Variants in CAMK4 observed in about 807,000 individuals in gnomAD.
CAMK4 encodes calcium/calmodulin-dependent protein kinase type IV.
A neutral mutation model predicts 44.9 loss-of-function variants in CAMK4; 22 were observed. The observed-to-expected ratio is 0.49, with a 90% CI of 0.35 to 0.70. The LOEUF (loss-of-function observed/expected upper bound fraction) is 0.70, where lower values mean the gene tolerates loss of function less well. Among genes scored for constraint, CAMK4 ranks in the 30% least tolerant of loss-of-function variants. The pLI, the probability that CAMK4 is intolerant of heterozygous loss-of-function variation, is 0.01. For missense variants in CAMK4, 498 were observed against 586.8 expected, an observed-to-expected ratio of 0.85 and a Z score of 1.56; for synonymous variants, 218 against 215.4, an observed-to-expected ratio of 1.01 and a Z score of -0.11.
intron 4 of CAMK4, among the ~76,000 whole-genome samples, chr5:111,386,329 C>G (rs1392075641): frequency 6.6e-6 from 1 of 152,186 alleles, no homozygotes; most frequent in East Asian, 1.9e-4. Flanking sequence ...GGGGCTTTTA[C>G]TCTCTGTCAT....
intron 1 of CAMK4, among the ~76,000 whole-genome samples, chr5:111,330,662 C>T (rs987208060): frequency 2.0e-5 from 3 of 151,442 alleles, no homozygotes; most frequent in African/African-American, 7.3e-5. Flanking sequence ...AATACTATAC[C>T]ATTTTATATA....
At chr5:111,421,979 G>A (rs184472638) in intron 5 of CAMK4, among the ~76,000 whole-genome samples, 96 of 152,136 alleles carry the variant, frequency 6.3e-4, no homozygotes, top group African/African-American at 2.2e-3. Flanking sequence ...TTCTTCCTTC[G>A]CCTTCCTCCA....
At chr5:111,357,737 A>G (rs1035287708) in intron 2 of CAMK4, among the ~76,000 whole-genome samples, 2 of 152,094 alleles carry the variant, frequency 1.3e-5, no homozygotes, top group African/African-American at 4.8e-5. Context: ...ACCATATGTC[A>G]TGTCACTCAC....
intron 8 of CAMK4, among the ~76,000 whole-genome samples, chr5:111,473,704 C>T (rs1017618515): frequency 6.6e-6 from 1 of 152,150 alleles, no homozygotes; most frequent in African/African-American, 2.4e-5. Flanking sequence ...TGTAAACTTG[C>T]TCTTGTTTTA....
At position 111,281,833 on chromosome 5, in the gene CAMK4, C is replaced by T. The variant is rs1029656748; in HGVS notation, c.161+57189C>T. Reference sequence around the variant, plus strand: ...CAGCACTTTGGGAGGCCGAGGCGGGCGGATCACGAGGTCAGGAGATCGAGA... The same window carrying T: ...CAGCACTTTGGGAGGCCGAGGCGGGTGGATCACGAGGTCAGGAGATCGAGA... On this transcript the variant is annotated intron_variant, in intron 1 of 10. Transcript: ENST00000282356. 9.2e-5 allele frequency among the ~76,000 whole-genome samples: 14 copies of T among 151,782 alleles called. 1 individual carries two copies. Among genetic ancestry groups the T allele is most frequent in the East Asian group, 7.8e-4 (4 of 5,156 alleles).
chr5:111,347,032 T>A (rs551612846), intron 2 of CAMK4, among the ~76,000 whole-genome samples: 144 of 152,044 alleles, frequency 9.5e-4, no homozygotes, highest in African/African-American at 3.2e-3. Context: ...TAAATCAATA[T>A]ATGGAGGTTA....
intron 5 of CAMK4, among the ~76,000 whole-genome samples, chr5:111,396,431 A>G (rs2112865381): frequency 6.6e-6 from 1 of 152,006 alleles, no homozygotes; most frequent in African/African-American, 2.4e-5. Flanking sequence ...ATATTTACCA[A>G]TTCTGGTTTC....
chr5:111,408,125 A>G (rs938357612), intron 5 of CAMK4, among the ~76,000 whole-genome samples: 1 of 152,082 alleles, frequency 6.6e-6, no homozygotes, highest in African/African-American at 2.4e-5. Flanking sequence ...AAAGAGAGAG[A>G]GAGAGAGAGA....
At chr5:111,362,379 G>A (rs1750627835) in intron 2 of CAMK4, among the ~76,000 whole-genome samples, 1 of 151,812 alleles carries the variant, frequency 6.6e-6, no homozygotes, top group African/African-American at 2.4e-5. Flanking sequence ...GCCTTAGGAA[G>A]GTGTTTTACA....
At position 111,484,212 on chromosome 5, in the gene CAMK4, G is replaced by A; in HGVS notation, c.1168G>A (p.Ala390Thr). Residue 390 changes from alanine to threonine, a missense_variant, in exon 11 of 11, where the codon GCA (alanine) becomes ACA (threonine). By Grantham distance (58) the Ala-to-Thr change is moderately conservative. Around this residue, in one of 3 missense-constraint regions of CAMK4, gnomAD observed 143 missense variants for 144.9 expected, o/e 0.99. Coordinates refer to ENST00000282356, the MANE Select transcript of CAMK4 (RefSeq NM_001744.6). The surrounding 1 kb of genome is among the most constrained non-coding windows in gnomAD (Gnocchi z 5.3). ...GDGAQAAVKG[A>T]QAELMKVQAL... ...TGGGGCCCAAGCCGCAGTTAAGGGG[G>A]CACAGGCTGAGCTGATGAAGGTGCA... 3 of 1,614,082 alleles carry A rather than the reference G, an allele frequency of 1.9e-6. No homozygotes were observed. Among genetic ancestry groups the A allele is most frequent in the Non-Finnish European group, 2.5e-6 (3 of 1,180,004 alleles).
At position 111,224,706 on chromosome 5, in the gene CAMK4, G is replaced by C; in HGVS notation, c.161+62G>C. The C allele has an allele frequency of 6.6e-7, 1 of 1,515,940 alleles. No individual in the cohort carries two copies. The highest frequency in any genetic ancestry group is 1.4e-5 in the African/African-American group (1 of 70,890). 93.9% of individuals were successfully genotyped at this position (1,515,940 alleles called of 1,614,324 possible). A position where few individuals can be genotyped will look rare whatever the true frequency, so the allele number is the denominator to read the frequency against. On this transcript the variant is annotated intron_variant, in intron 1 of 10. Coordinates refer to ENST00000282356, the MANE Select transcript of CAMK4 (RefSeq NM_001744.6). This position sits in a 1 kb window ranked among gnomAD's most constrained non-coding sequence, Gnocchi z 5.7. ...TGCACTGGGGGTTGTCCCTCTCGCA[G>C]CGACGGCTCGGAGGGTGCGGGAGCC...
rs997264398 is a variant in CAMK4, at chr5:111,361,350, T to C, written c.241-13500T>C. 5.3e-5 allele frequency among the ~76,000 whole-genome samples: 8 copies of C among 152,180 alleles called. 1 individual carries two copies. In the East Asian group the frequency reaches 5.8e-4, roughly 11 times the overall value. On this transcript the variant is annotated intron_variant, in intron 2 of 10. Coordinates refer to ENST00000282356, the MANE Select transcript of CAMK4 (RefSeq NM_001744.6). ...TCTCAGGGTCTCTGAGTGTATATAA[T>C]ATTGTGCCCCTTTAATCACTCAAAT...
intron 2 of CAMK4, among the ~76,000 whole-genome samples, chr5:111,367,455 A>G (rs1401859172): frequency 6.6e-6 from 1 of 152,074 alleles, no homozygotes; most frequent in Non-Finnish European, 1.5e-5. Context: ...CATTCAAATC[A>G]TAGCACCTAG....
At chr5:111,350,031 A>T (rs1750027105) in intron 2 of CAMK4, among the ~76,000 whole-genome samples, 1 of 152,012 alleles carries the variant, frequency 6.6e-6, no homozygotes, top group African/African-American at 2.4e-5. Context: ...GCTATGTAGT[A>T]GTGGGGTGAT....
rs917829486 is a variant in CAMK4, at chr5:111,482,363, A to T, written c.829-422A>T. ...TACTCTCCCTTTTGTTTGCCATTTA[A>T]TCCCCACAGAAAGAATGATGATGCA... On this transcript the variant is annotated intron_variant, in intron 9 of 10. Transcript: ENST00000282356. This position sits in a 1 kb window ranked among gnomAD's most constrained non-coding sequence, Gnocchi z 4.9. 6.5e-6 allele frequency: 1 copy of T among 153,636 alleles called. No individual in the cohort carries two copies. Among genetic ancestry groups the T allele is most frequent in the Non-Finnish European group, 1.4e-5 (1 of 69,142 alleles). 9.5% of individuals were successfully genotyped at this position (153,636 alleles called of 1,614,324 possible).
chr5:111,433,359 G>A (rs1056692716), intron 5 of CAMK4, among the ~76,000 whole-genome samples: 3 of 152,158 alleles, frequency 2.0e-5, no homozygotes, highest in Non-Finnish European at 4.4e-5. Flanking sequence ...TGGAGCACAA[G>A]CACTACACTT....
chr5:111,398,800 T>G (rs1252719413), intron 5 of CAMK4, among the ~76,000 whole-genome samples: 1 of 152,202 alleles, frequency 6.6e-6, no homozygotes, highest in Non-Finnish European at 1.5e-5. Context: ...GCACTACCAT[T>G]CAGCAATTGT....
chr5:111,307,943 CT>C (rs1747995752), intron 1 of CAMK4, among the ~76,000 whole-genome samples: 1 of 68,152 alleles, frequency 1.5e-5, no homozygotes, highest in Non-Finnish European at 2.6e-5. Context: ...AGTTCATGTC[CT>C]TTTTAGGGAC....
intron 1 of CAMK4, among the ~76,000 whole-genome samples, chr5:111,273,035 T>C (rs1750582121): frequency 6.6e-6 from 1 of 152,126 alleles, no homozygotes; most frequent in Admixed American, 6.5e-5. Context: ...CAGGAGTTGT[T>C]GTAAAGGGAT....
Sources: gnomAD v4.1 joint callset for allele counts (sites outside exome capture counted in the v4.1 genomes callset) on GRCh38, gnomAD v4.1.1 for gene constraint, gnomAD v4.1.1 regional missense constraint, Gnocchi (gnomAD v3.1) non-coding constraint, MANE v1.5 for transcripts, NCBI Gene and HGNC (gene_info 2026-07-23, HGNC 2026-07-21) for gene names.